The following RADIL variants were observed in gnomAD, a reference collection of about 807,000 sequenced individuals.
RADIL encodes the protein Rap associating with DIL domain, also known as ras-associating and dilute domain-containing protein.
Under a neutral mutation model 97.6 loss-of-function variants are expected in RADIL, and 99 were observed. The observed-to-expected ratio is 1.01, with a 90% CI of 0.86 to 1.20. RADIL has a LOEUF of 1.20. Among genes scored for constraint, RADIL ranks in the 50% most tolerant of loss-of-function variants. The pLI, the probability that RADIL is intolerant of heterozygous loss-of-function variation, is 0.00. For missense variants in RADIL, 1,765 were observed against 1,498.9 expected (o/e 1.18, Z -2.93); for synonymous variants, 803 against 691.8 (o/e 1.16, Z -2.52).
Position 4,822,344 on chromosome 7 carries a change from C to T in RADIL, c.1615+50G>A. On this transcript the variant is annotated intron_variant, in intron 6 of 14. Transcript: ENST00000399583. The surrounding 1 kb of genome is among the most constrained non-coding windows in gnomAD (Gnocchi z 5.3). ...GAGGACGGCGAGGAGATGCCACACT[C>T]CCCTGCCTGGGGTGCTGGCGGGGGG... The T allele has an allele frequency of 1.3e-6, 2 of 1,566,962 alleles. No homozygotes were observed. The highest frequency in any genetic ancestry group is 1.7e-6 in the Non-Finnish European group (2 of 1,156,110).
Position 4,817,296 on chromosome 7 carries a change from C to A in RADIL, c.1671G>T (p.Ala557=). 1 of 1,612,664 alleles carries A rather than the reference C, an allele frequency of 6.2e-7. No individual in the cohort carries two copies. Among genetic ancestry groups the A allele is most frequent in the Non-Finnish European group, 8.5e-7 (1 of 1,179,742 alleles). The change falls in exon 7 of 15, where the codon GCG becomes GCT. Residue 557 remains alanine, a synonymous_variant. Coordinates refer to ENST00000399583, the MANE Select transcript of RADIL (RefSeq NM_018059.5). The surrounding 1 kb of genome is among the most constrained non-coding windows in gnomAD (Gnocchi z 8.3). Reference sequence around the variant, plus strand: ...CGTACAGCACCACCTCCTCCAGCACCGCCATGGCCTCCTCGCTGGCCGTCA... The same window carrying A: ...CGTACAGCACCACCTCCTCCAGCACAGCCATGGCCTCCTCGCTGGCCGTCA... ...CTLTASEEAM[A]VLEEVVLYAF...
Position 4,822,571 on chromosome 7 carries a change from A to G in RADIL, c.1455-17T>C, listed in dbSNP as rs1430204563. ...GGCTCCTGGCTACCAAGACAGAAAG[A>G]CTAAGAGTTACGCGGGGACCCGACC... On this transcript the variant is annotated splice_polypyrimidine_tract_variant and intron_variant, in intron 5 of 14. Transcript: ENST00000399583. The surrounding 1 kb of genome is among the most constrained non-coding windows in gnomAD (Gnocchi z 5.3). 1 of 1,610,920 alleles carries G rather than the reference A, an allele frequency of 6.2e-7. No homozygotes were observed. The highest frequency in any genetic ancestry group is 1.7e-5 in the Admixed American group (1 of 59,690).
At chr7:4,853,104 A>G (rs932364543) in intron 2 of RADIL, among the ~76,000 whole-genome samples, 2 of 152,032 alleles carry the variant, frequency 1.3e-5, no homozygotes, top group Admixed American at 6.6e-5. Context: ...GGGTGAGTGT[A>G]TTTTGCATGT....
chr7:4,839,612 C>G (rs1337143772), intron 2 of RADIL, among the ~76,000 whole-genome samples: 2 of 152,060 alleles, frequency 1.3e-5, no homozygotes, highest in Non-Finnish European at 2.9e-5. Flanking sequence ...ATTATCATAA[C>G]TTTATATCAT....
Position 4,879,022 on chromosome 7 carries a change from C to G in RADIL, c.-64-819G>C, listed in dbSNP as rs1024527008. ...ACACAAACCCCCAGAATCTACCCCT[C>G]AGGGCAAGAGACCCGTCCTGGCTTG... On this transcript the variant is annotated intron_variant, in intron 1 of 14. Coordinates refer to ENST00000399583, the MANE Select transcript of RADIL (RefSeq NM_018059.5). This position sits in a 1 kb window ranked among gnomAD's most constrained non-coding sequence, Gnocchi z 4.1. Among the ~76,000 whole-genome samples, 2 of 152,236 alleles carry G rather than the reference C, an allele frequency of 1.3e-5. No individual in the cohort carries two copies. The highest frequency in any genetic ancestry group is 2.4e-5 in the African/African-American group (1 of 41,464).
chr7:4,870,504 C>G (rs1784227958), intron 2 of RADIL, among the ~76,000 whole-genome samples: 1 of 152,196 alleles, frequency 6.6e-6, no homozygotes, highest in Admixed American at 6.5e-5. Context: ...TGCAGTGGCA[C>G]AATCTCAGCT....
In RADIL at chr7:4,842,305, GCT is replaced by G. The variant is rs1196765651; in HGVS notation, c.536-5702_536-5701del. On this transcript the variant is annotated intron_variant, in intron 2 of 14. Coordinates refer to ENST00000399583, the MANE Select transcript of RADIL (RefSeq NM_018059.5). This position sits in a 1 kb window ranked among gnomAD's most constrained non-coding sequence, Gnocchi z 4.5. The stretch of plus-strand genomic sequence containing the variant: ...GAGGGCTGAGCTCCATGTCCCTGAA[GCT>G]CTGTTAGCGGCCTTCCTCCCCAGCC... Among the ~76,000 whole-genome samples the G allele has an allele frequency of 6.6e-6, 1 of 152,174 alleles. No homozygotes were observed. The highest frequency in any genetic ancestry group is 1.5e-5 in the Non-Finnish European group (1 of 68,032).
chr7:4,823,213 T>C (rs1052995664), intron 5 of RADIL, among the ~76,000 whole-genome samples: 1 of 152,066 alleles, frequency 6.6e-6, no homozygotes, highest in Non-Finnish European at 1.5e-5. Flanking sequence ...CTCAGCACTT[T>C]GGAAGGCCAA....
At chr7:4,832,050 G>A (rs923155902) in intron 5 of RADIL, 91 bp downstream of exon 5, 2 of 1,395,362 alleles carry the variant, frequency 1.4e-6, no homozygotes, top group African/African-American at 1.4e-5. Context: ...CCAAGGCGTG[G>A]GGAGACCCCT....
chr7:4,809,826 TG>T (rs1782488144), intron 9 of RADIL, among the ~76,000 whole-genome samples: 1 of 151,966 alleles, frequency 6.6e-6, no homozygotes, highest in East Asian at 1.9e-4. Flanking sequence ...GGCTAATTTT[TG>T]TATTTTTACA....
intron 2 of RADIL, among the ~76,000 whole-genome samples, chr7:4,847,157 C>T (rs1288079491): frequency 6.6e-6 from 1 of 152,020 alleles, no homozygotes; most frequent in Non-Finnish European, 1.5e-5. Flanking sequence ...CCCGTCTCTA[C>T]TAAAGATACA....
At position 4,840,965 on chromosome 7, in the gene RADIL, T is replaced by TCAAAA. The variant is rs1160045579; in HGVS notation, c.536-4365_536-4361dup. On this transcript the variant is annotated intron_variant, in intron 2 of 14. Transcript: ENST00000399583. This position sits in a 1 kb window ranked among gnomAD's most constrained non-coding sequence, Gnocchi z 5.6. ...CTGGGTGACAGAGCGAGACTCCGTC[T>TCAAAA]CAAAACAAAACAAAACAACAACAAC... is the stretch of plus-strand genomic sequence containing the variant. Among the ~76,000 whole-genome samples, 2 of 152,214 alleles carry TCAAAA rather than the reference T, an allele frequency of 1.3e-5. No homozygotes were observed. Among genetic ancestry groups the TCAAAA allele is most frequent in the African/African-American group, 2.4e-5 (1 of 41,450 alleles).
intron 2 of RADIL, among the ~76,000 whole-genome samples, chr7:4,848,137 T>C (rs1390147358): frequency 6.6e-6 from 1 of 150,770 alleles, no homozygotes; most frequent in African/African-American, 2.4e-5. Context: ...ATGGTGGAGG[T>C]TGCAGTGAGC....
chr7:4,871,081 GT>G (rs1784242717), intron 2 of RADIL, among the ~76,000 whole-genome samples: 1 of 152,150 alleles, frequency 6.6e-6, no homozygotes, highest in African/African-American at 2.4e-5. Flanking sequence ...AACTTTTCTA[GT>G]TTTAGGCTGG....
rs1259642604 is a variant in RADIL at position 4,840,753 on chromosome 7, G to C, written c.536-4148C>G. ...GGAGGCCGAGGCAGGTGGATCACGAGGTCAAGAAATCAAGACCATCCTGGC... is the reference window on the plus strand; with the variant it reads ...GGAGGCCGAGGCAGGTGGATCACGACGTCAAGAAATCAAGACCATCCTGGC... On this transcript the variant is annotated intron_variant, in intron 2 of 14. Coordinates refer to ENST00000399583, the MANE Select transcript of RADIL (RefSeq NM_018059.5). This position sits in a 1 kb window ranked among gnomAD's most constrained non-coding sequence, Gnocchi z 5.6. Among the ~76,000 whole-genome samples the C allele has an allele frequency of 6.6e-6, 1 of 152,204 alleles. No individual in the cohort carries two copies. The highest frequency in any genetic ancestry group is 2.4e-5 in the African/African-American group (1 of 41,444).
intron 9 of RADIL, chr7:4,809,000 C>A: frequency 1.0e-5 from 5 of 485,624 alleles, no homozygotes; most frequent in Non-Finnish European, 1.2e-5. Context: ...CCCCCGCGTC[C>A]CCTTCCGACG....
chr7:4,875,009 G>A (rs980983935), intron 2 of RADIL, among the ~76,000 whole-genome samples: 7 of 151,408 alleles, frequency 4.6e-5, no homozygotes, highest in Non-Finnish European at 1.0e-4. Flanking sequence ...TGGCTAACAC[G>A]GTGAAACCCC....
chr7:4,806,843 C>G (rs569841283), intron 9 of RADIL, among the ~76,000 whole-genome samples: 22 of 152,286 alleles, frequency 1.4e-4, no homozygotes, highest in South Asian at 1.2e-3. Context: ...GCTGTTTTGT[C>G]CTGTGACTCC....
Position 4,835,345 on chromosome 7 carries a change from C to G in RADIL, c.784-106G>C. The G allele has an allele frequency of 1.4e-6, 2 of 1,410,818 alleles. No individual in the cohort carries two copies. The highest frequency in any genetic ancestry group is 2.0e-5 in the Admixed American group (1 of 49,116). The allele number at this position is 1,410,818 out of a possible 1,614,324, so 87.4% of individuals were successfully genotyped here. A position where few individuals can be genotyped will look rare whatever the true frequency, so the allele number is the denominator to read the frequency against. ...TGAAGCAGCGTGGCTGGGATGCTGT[C>G]GCCACGGGCTCTCCATGTCCCTGGC... On this transcript the variant is annotated intron_variant, in intron 3 of 14. Transcript: ENST00000399583. The surrounding 1 kb of genome is among the most constrained non-coding windows in gnomAD (Gnocchi z 5.8).
Sources: allele counts gnomAD v4.1 joint callset (sites outside exome capture counted in the v4.1 genomes callset), GRCh38; gene constraint gnomAD v4.1.1; non-coding constraint Gnocchi (gnomAD v3.1); transcripts MANE v1.5; gene names NCBI Gene and HGNC (gene_info 2026-07-23, HGNC 2026-07-21).